AGBL1: variants seen among roughly 807,000 people sequenced by gnomAD.
The protein encoded by AGBL1 is cytosolic carboxypeptidase 4.
Under a neutral mutation model 118.9 loss-of-function variants are expected in AGBL1, and 130 were observed. The observed-to-expected ratio is 1.09, with a 90% confidence interval of 0.95 to 1.26. AGBL1 has a LOEUF of 1.26. AGBL1 is among the 50% of genes most tolerant of loss of function. AGBL1 has a pLI of 0.00. For synonymous variants in AGBL1, 555 were observed against 478.9 expected, an observed-to-expected ratio of 1.16 and a Z score of -2.08; for missense variants, 1,584 against 1,298.1, an observed-to-expected ratio of 1.22 and a Z score of -3.38.
intron 1 of AGBL1, among the ~76,000 whole-genome samples, chr15:86,080,520 C>A (rs73460820): frequency 0.026 from 3,930 of 152,282 alleles, 168 homozygotes; most frequent in African/African-American, 0.086. Flanking sequence ...AGTGCATTTT[C>A]CCAGGCAGGA....
chr15:86,853,672 A>G (rs2079438626), intron 22 of AGBL1, among the ~76,000 whole-genome samples: 1 of 152,192 alleles, frequency 6.6e-6, no homozygotes, highest in South Asian at 2.1e-4. Flanking sequence ...TTTTTAAAGC[A>G]TGTAATGATT....
intron 24 of AGBL1, among the ~76,000 whole-genome samples, chr15:86,995,432 A>G (rs2081371276): frequency 6.6e-6 from 1 of 152,174 alleles, no homozygotes; most frequent in African/African-American, 2.4e-5. Context: ...TAAGGTACAT[A>G]GAAGTTAACC....
intron 22 of AGBL1, among the ~76,000 whole-genome samples, chr15:86,784,496 C>T (rs1463843503): frequency 6.6e-6 from 1 of 152,164 alleles, no homozygotes; most frequent in African/African-American, 2.4e-5. Flanking sequence ...CAGGTTCTAT[C>T]CTTAGAGATT....
chr15:86,477,259 C>CA (rs141790867), intron 18 of AGBL1, among the ~76,000 whole-genome samples: 1 of 151,682 alleles, frequency 6.6e-6, no homozygotes, highest in African/African-American at 2.4e-5. Flanking sequence ...GATAGAGACA[C>CA]AAAAAAACCC....
intron 22 of AGBL1, among the ~76,000 whole-genome samples, chr15:86,833,679 C>T (rs2079136004): frequency 6.6e-6 from 1 of 152,126 alleles, no homozygotes; most frequent in African/African-American, 2.4e-5. Flanking sequence ...GCTGGAATAG[C>T]CTGCTAAAGC....
chr15:86,300,598 G>A (rs986935262), intron 17 of AGBL1, among the ~76,000 whole-genome samples: 14 of 152,022 alleles, frequency 9.2e-5, no homozygotes, highest in African/African-American at 3.1e-4. Context: ...CTGAGACACC[G>A]CCACCCTGCA....
chr15:87,027,186 A>C (rs1014827315), intron 24 of AGBL1, among the ~76,000 whole-genome samples: 1 of 152,038 alleles, frequency 6.6e-6, no homozygotes, highest in Admixed American at 6.6e-5. Flanking sequence ...AAATAGCTCA[A>C]CATCACTGAT....
At chr15:86,225,040 T>C in intron 6 of AGBL1, 89 bp downstream of exon 6, 1 of 1,366,026 alleles carries the variant, frequency 7.3e-7, no homozygotes, top group Non-Finnish European at 1.0e-6. Context: ...TTTCTTTTTT[T>C]TTTTTTTTCA....
intron 22 of AGBL1, among the ~76,000 whole-genome samples, chr15:86,838,941 T>TAAAAAAAAAAAAAAA (rs386383698): frequency 2.1e-5 from 1 of 48,002 alleles, no homozygotes. Flanking sequence ...TGAGATCCTG[T>TAAAAAAAAAAAAAAA]AAAAAAAAAA....
At chr15:86,951,970 C>T (rs1031232548) in intron 23 of AGBL1, among the ~76,000 whole-genome samples, 2 of 152,130 alleles carry the variant, frequency 1.3e-5, no homozygotes, top group Non-Finnish European at 2.9e-5. Flanking sequence ...CGGTGGCTCA[C>T]GCTTGTAATC....
At chr15:86,948,811 C>T (rs550157496) in intron 23 of AGBL1, among the ~76,000 whole-genome samples, 18 of 152,300 alleles carry the variant, frequency 1.2e-4, no homozygotes, top group African/African-American at 2.6e-4. Context: ...ATATCTTGGA[C>T]GAGTGAGATG....
chr15:86,329,098 C>T (rs1457971387), intron 17 of AGBL1, among the ~76,000 whole-genome samples: 1 of 152,092 alleles, frequency 6.6e-6, no homozygotes, highest in Non-Finnish European at 1.5e-5. Flanking sequence ...GTGGTTTCTC[C>T]TAGGTGACGA....
chr15:86,425,752 T>C (rs953520222), intron 18 of AGBL1, among the ~76,000 whole-genome samples: 1 of 152,196 alleles, frequency 6.6e-6, no homozygotes, highest in Non-Finnish European at 1.5e-5. Flanking sequence ...GCCAACATGC[T>C]ATAGTTTCTG....
chr15:86,689,426 G>C (rs1160107970), intron 22 of AGBL1, among the ~76,000 whole-genome samples: 1 of 152,060 alleles, frequency 6.6e-6, no homozygotes, highest in African/African-American at 2.4e-5. Context: ...ATTTAAAGCT[G>C]AATCCCTAGC....
At position 86,266,975 on chromosome 15, in the gene AGBL1, C is replaced by T; in HGVS notation, c.1752-15C>T. 1.9e-6 allele frequency: 3 copies of T among 1,545,970 alleles called. No homozygotes were observed. Among genetic ancestry groups the T allele is most frequent in the Non-Finnish European group, 2.6e-6 (3 of 1,137,760 alleles). Reference sequence around the variant, plus strand: ...TGATAACACATATGTTCACATGTTCCTTATTTCATTGTAGGCCTTTGCAAG... The same window carrying T: ...TGATAACACATATGTTCACATGTTCTTTATTTCATTGTAGGCCTTTGCAAG... On this transcript the variant is annotated splice_polypyrimidine_tract_variant and intron_variant, in intron 12 of 22. Transcript: ENST00000614907.
chr15:86,749,117 C>T (rs932653785), intron 22 of AGBL1, among the ~76,000 whole-genome samples: 16 of 152,204 alleles, frequency 1.1e-4, no homozygotes, highest in South Asian at 8.3e-4. Flanking sequence ...GCCATTTTCA[C>T]GATATTGATT....
Position 86,615,699 on chromosome 15 carries a change from G to A in AGBL1, c.2995-58574G>A, listed in dbSNP as rs1376757022. 6.6e-6 allele frequency among the ~76,000 whole-genome samples: 1 copy of A among 152,156 alleles called. No individual in the cohort carries two copies. The highest frequency in any genetic ancestry group is 1.9e-4 in the East Asian group (1 of 5,192). ...GCAAAGACATTGATTGACATGTTAA[G>A]AAGATTCAAAACTACTCAAAGCCAC... On this transcript the variant is annotated intron_variant, in intron 21 of 22. Transcript: ENST00000614907. This position sits in a 1 kb window ranked among gnomAD's most constrained non-coding sequence, Gnocchi z 4.3.
At chr15:86,184,520 G>C (rs1365794567) in intron 5 of AGBL1, among the ~76,000 whole-genome samples, 1 of 150,858 alleles carries the variant, frequency 6.6e-6, no homozygotes, top group Non-Finnish European at 1.5e-5. Flanking sequence ...TGGCCTGCCT[G>C]GCTAGGTTGG....
intron 22 of AGBL1, among the ~76,000 whole-genome samples, chr15:86,803,723 C>G (rs117153483): frequency 0.023 from 3,571 of 152,112 alleles, 68 homozygotes; most frequent in Non-Finnish European, 0.036. Flanking sequence ...AGGAAAGAGA[C>G]TGGGAAAGAT....
Sources: gnomAD v4.1 joint callset for allele counts (sites outside exome capture counted in the v4.1 genomes callset) on GRCh38, gnomAD v4.1.1 for gene constraint, Gnocchi (gnomAD v3.1) non-coding constraint, MANE v1.5 for transcripts, NCBI Gene and HGNC (gene_info 2026-07-23, HGNC 2026-07-21) for gene names.